Variants in REEP3 observed in about 807,000 individuals in gnomAD.
REEP3 encodes receptor expression-enhancing protein 3.
REEP3 carries 20 observed loss-of-function variants against 41.3 expected under a neutral mutation model. That is an observed-to-expected ratio of 0.48 (90% CI 0.34 to 0.70). REEP3 has a LOEUF of 0.70. Among genes scored for constraint, REEP3 ranks in the 30% least tolerant of loss-of-function variants. The pLI, the probability that REEP3 is intolerant of heterozygous loss-of-function variation, is 0.01. For synonymous variants in REEP3, 104 were observed against 101.8 expected, an observed-to-expected ratio of 1.02 and a Z score of -0.13; for missense variants, 271 against 308.8, an observed-to-expected ratio of 0.88 and a Z score of 0.92.
rs59658061 is a variant in REEP3, at chr10:63,589,785, C to CTTTTTTTTTTTTTT, written c.106-4980_106-4967dup. ...TAATGTACTAAGAACAGCAGAACAT[C>CTTTTTTTTTTTTTT]TTTTTTTTTTTTTTTTTTTTTTTTT... is the stretch of plus-strand genomic sequence containing the variant. On this transcript the variant is annotated intron_variant, in intron 2 of 7. Transcript: ENST00000373758. 2.6e-4 allele frequency among the ~76,000 whole-genome samples: 21 copies of CTTTTTTTTTTTTTT among 80,834 alleles called. 1 individual carries two copies. The highest frequency in any genetic ancestry group is 3.2e-4 in the Non-Finnish European group (14 of 43,500). 53.0% of individuals were successfully genotyped at this position (80,834 alleles called of 152,430 possible).
In REEP3 at chr10:63,558,679, G is replaced by A. The variant is rs140588157; in HGVS notation, c.33-7659G>A. Among the ~76,000 whole-genome samples, 791 of 152,062 alleles carry A rather than the reference G, an allele frequency of 5.2e-3. 4 individuals are homozygous for A. Among genetic ancestry groups the A allele is most frequent in the Non-Finnish European group, 8.2e-3 (560 of 67,992 alleles). On this transcript the variant is annotated intron_variant, in intron 1 of 7. Coordinates refer to ENST00000373758, the MANE Select transcript of REEP3 (RefSeq NM_001001330.3). The stretch of plus-strand genomic sequence containing the variant: ...TGGCACTTGAACCCAGGAGGCGGAG[G>A]TTGCAGTGAGCCAAGATCATGCCAC...
intron 1 of REEP3, among the ~76,000 whole-genome samples, chr10:63,533,316 T>G (rs573328465): frequency 3.3e-4 from 50 of 152,304 alleles, no homozygotes; most frequent in African/African-American, 1.1e-3. Flanking sequence ...ATGAAGAAAG[T>G]GCAGATATGG....
intron 2 of REEP3, among the ~76,000 whole-genome samples, chr10:63,569,428 G>T (rs988405585): frequency 2.7e-5 from 4 of 149,680 alleles, no homozygotes; most frequent in African/African-American, 9.8e-5. Context: ...TGTGTGCATT[G>T]TATATATATT....
In REEP3 at chr10:63,622,674, T is replaced by C. The variant is rs1956363088; in HGVS notation, c.*1805T>C. ...ATAAGGTCATGTGAGTCAAGAACTTTATCTGTGGGAGCTGATTTGCACCAT... is the reference window on the plus strand; with the variant it reads ...ATAAGGTCATGTGAGTCAAGAACTTCATCTGTGGGAGCTGATTTGCACCAT... On this transcript the variant is annotated 3_prime_UTR_variant, in exon 8 of 8. Transcript: ENST00000373758. The C allele has an allele frequency of 6.6e-6, 1 of 151,552 alleles. No homozygotes were observed. The allele number at this position is 151,552 out of a possible 1,614,324, so 9.4% of individuals were successfully genotyped here.
intron 6 of REEP3, among the ~76,000 whole-genome samples, chr10:63,617,575 T>A (rs1437746415): frequency 6.6e-6 from 1 of 151,900 alleles, no homozygotes; most frequent in Non-Finnish European, 1.5e-5. Flanking sequence ...AATTTTTGTA[T>A]TTTTTGTAGA....
At chr10:63,531,635 C>T (rs1955421897) in intron 1 of REEP3, among the ~76,000 whole-genome samples, 1 of 152,092 alleles carries the variant, frequency 6.6e-6, no homozygotes, top group Non-Finnish European at 1.5e-5. Context: ...TATGTGAATG[C>T]TTATCTTATT....
At chr10:63,582,456 C>T (rs537905673) in intron 2 of REEP3, among the ~76,000 whole-genome samples, 1 of 152,334 alleles carries the variant, frequency 6.6e-6, no homozygotes, top group Admixed American at 6.5e-5. Context: ...TATTGTGGCA[C>T]TCAGGCAACC....
rs562111276 is a variant in REEP3, at chr10:63,565,644, G to A, written c.33-694G>A. 2.0e-5 allele frequency among the ~76,000 whole-genome samples: 3 copies of A among 152,186 alleles called. No individual in the cohort carries two copies. The South Asian group carries it at 6.2e-4, about 32-fold the overall frequency. ...TGTGTACGTGTATGTTTATGTCTTAGGTATACTACACGTGGATAAATAGTG... is the reference window on the plus strand; with the variant it reads ...TGTGTACGTGTATGTTTATGTCTTAAGTATACTACACGTGGATAAATAGTG... On this transcript the variant is annotated intron_variant, in intron 1 of 7. Transcript: ENST00000373758.
intron 2 of REEP3, among the ~76,000 whole-genome samples, chr10:63,581,773 G>T (rs1955956479): frequency 6.6e-6 from 1 of 150,620 alleles, no homozygotes; most frequent in South Asian, 2.1e-4. Context: ...GCTATTAGAA[G>T]AGAGTTTTTA....
chr10:63,562,577 G>T (rs1248924451), intron 1 of REEP3: 1 of 456,346 alleles, frequency 2.2e-6, no homozygotes, highest in African/African-American at 2.0e-5. Context: ...GATTGTTAAT[G>T]ATGTGGCTTC....
chr10:63,615,767 A>C (rs2133434215), intron 6 of REEP3, among the ~76,000 whole-genome samples: 2 of 151,986 alleles, frequency 1.3e-5, no homozygotes, highest in Middle Eastern at 3.4e-3. Flanking sequence ...GCTGGTCTCA[A>C]ACTACTGGCC....
At chr10:63,541,131 CAAATA>C (rs1282113254) in intron 1 of REEP3, among the ~76,000 whole-genome samples, 1 of 152,086 alleles carries the variant, frequency 6.6e-6, no homozygotes, top group Non-Finnish European at 1.5e-5. Flanking sequence ...ACTTTTTAAA[CAAATA>C]AAATAATTTA....
intron 5 of REEP3, among the ~76,000 whole-genome samples, chr10:63,600,015 C>T (rs983491465): frequency 2.0e-5 from 3 of 152,156 alleles, no homozygotes; most frequent in African/African-American, 4.8e-5. Flanking sequence ...AAGCACAGTG[C>T]TTGCTTGCAT....
intron 2 of REEP3, among the ~76,000 whole-genome samples, chr10:63,588,195 A>T (rs1332867661): frequency 6.6e-6 from 1 of 152,194 alleles, no homozygotes; most frequent in East Asian, 1.9e-4. Flanking sequence ...TCTCTTCTGG[A>T]CACAGCCACT....
At chr10:63,602,894 A>C (rs1478699680) in intron 5 of REEP3, among the ~76,000 whole-genome samples, 2 of 152,222 alleles carry the variant, frequency 1.3e-5, no homozygotes, top group Non-Finnish European at 2.9e-5. Flanking sequence ...AGCAATGAAC[A>C]AGATAGATAT....
intron 6 of REEP3, among the ~76,000 whole-genome samples, chr10:63,610,875 C>A (rs569954242): frequency 2.6e-4 from 40 of 152,194 alleles, no homozygotes; most frequent in African/African-American, 9.2e-4. Flanking sequence ...TCACGACCAG[C>A]CTGGCTAACA....
intron 2 of REEP3, among the ~76,000 whole-genome samples, chr10:63,592,479 CATG>C (rs1474535303): frequency 6.6e-6 from 1 of 152,126 alleles, no homozygotes; most frequent in African/African-American, 2.4e-5. Context: ...TTTAAAAAAG[CATG>C]ATGATTCCCC....
chr10:63,538,622 T>C (rs1955497686), intron 1 of REEP3, among the ~76,000 whole-genome samples: 1 of 152,034 alleles, frequency 6.6e-6, no homozygotes, highest in African/African-American at 2.4e-5. Context: ...TAATCCCAGA[T>C]ACTCGGGAGG....
intron 2 of REEP3, among the ~76,000 whole-genome samples, chr10:63,576,715 G>C (rs1390535031): frequency 2.0e-5 from 3 of 152,184 alleles, no homozygotes; most frequent in East Asian, 3.8e-4. Flanking sequence ...TCTGGAGACT[G>C]GAAGTCCAAA....
Sources: allele counts gnomAD v4.1 joint callset (sites outside exome capture counted in the v4.1 genomes callset), GRCh38; gene constraint gnomAD v4.1.1; transcripts MANE v1.5; gene names NCBI Gene and HGNC (gene_info 2026-07-23, HGNC 2026-07-21).